The following TACR1 variants were observed in gnomAD, a reference collection of about 807,000 sequenced individuals.
TACR1 encodes the protein substance-P receptor.
TACR1 carries 25 observed loss-of-function variants against 35.8 expected under a neutral mutation model. The ratio of observed to expected loss-of-function variants is 0.70; its 90% CI spans 0.51 to 0.98. The LOEUF (loss-of-function observed/expected upper bound fraction) is 0.98. Ranked by LOEUF, TACR1 falls within the 50% of genes least tolerant of loss-of-function variation. The pLI, the probability that TACR1 is intolerant of heterozygous loss-of-function variation, is 0.00. For synonymous variants in TACR1, 195 were observed against 206.7 expected, an observed-to-expected ratio of 0.94 and a Z score of 0.48; for missense variants, 478 against 522.9, an observed-to-expected ratio of 0.91 and a Z score of 0.84.
intron 1 of TACR1, among the ~76,000 whole-genome samples, chr2:75,127,374 A>G (rs1310771393): frequency 6.6e-6 from 1 of 152,200 alleles, no homozygotes; most frequent in Non-Finnish European, 1.5e-5. Context: ...TTTATTATTA[A>G]TTAATTATTG....
At chr2:75,062,275 A>C (rs1672686690) in intron 2 of TACR1, among the ~76,000 whole-genome samples, 1 of 151,996 alleles carries the variant, frequency 6.6e-6, no homozygotes, top group African/African-American at 2.4e-5. Flanking sequence ...CGATTTGAAA[A>C]TACAGACAAG....
At chr2:75,115,194 T>TAA (rs1037808340) in intron 2 of TACR1, among the ~76,000 whole-genome samples, 7 of 91,162 alleles carry the variant, frequency 7.7e-5, no homozygotes, top group Non-Finnish European at 1.4e-4. Context: ...AAGCAGATTA[T>TAA]AAAATATATA....
At chr2:75,179,693 A>T (rs1675515040) in intron 1 of TACR1, among the ~76,000 whole-genome samples, 2 of 152,174 alleles carry the variant, frequency 1.3e-5, no homozygotes, top group Admixed American at 1.3e-4. Flanking sequence ...GGGACAGGTT[A>T]AACCTCCTTG....
At chr2:75,100,281 T>G (rs571681193) in intron 2 of TACR1, among the ~76,000 whole-genome samples, 2 of 152,372 alleles carry the variant, frequency 1.3e-5, no homozygotes, top group African/African-American at 4.8e-5. Flanking sequence ...AGATGATGCA[T>G]GCAAAGTTCT....
In TACR1 at chr2:75,053,656, G is replaced by T. The variant is rs374323810; in HGVS notation, c.684C>A (p.Ile228=). ...VVGITLWASE[I]PGDSSDRYHE... ...GGTAGCGGTCAGAGGAGTCCCCGGGGATCTCACTGGCCCATAGTGTGATTC... is the reference window on the plus strand; with the variant it reads ...GGTAGCGGTCAGAGGAGTCCCCGGGTATCTCACTGGCCCATAGTGTGATTC... The change falls in exon 3 of 5, where the codon ATC becomes ATA. Residue 228 remains isoleucine, a synonymous_variant. Coordinates refer to ENST00000305249, the MANE Select transcript of TACR1 (RefSeq NM_001058.4). 4.4e-6 allele frequency: 7 copies of T among 1,604,160 alleles called. No individual in the cohort carries two copies. The highest frequency in any genetic ancestry group is 4.0e-5 in the African/African-American group (3 of 74,656).
At chr2:75,190,331 A>G (rs1362829711) in intron 1 of TACR1, among the ~76,000 whole-genome samples, 1 of 152,220 alleles carries the variant, frequency 6.6e-6, no homozygotes, top group African/African-American at 2.4e-5. Context: ...ATGATATACA[A>G]TATCCAAATG....
intron 1 of TACR1, among the ~76,000 whole-genome samples, chr2:75,133,331 C>T (rs1166235811): frequency 6.6e-6 from 1 of 152,024 alleles, no homozygotes; most frequent in South Asian, 2.1e-4. Flanking sequence ...TCTTATTTTT[C>T]ATTTTTCTTT....
At chr2:75,051,023 T>C in intron 4 of TACR1, 1 of 577,676 alleles carries the variant, frequency 1.7e-6, no homozygotes, top group Non-Finnish European at 3.1e-6. Context: ...TAATATGGAT[T>C]TCTGGTTCCC....
intron 1 of TACR1, among the ~76,000 whole-genome samples, chr2:75,149,504 G>T (rs1674624791): frequency 6.6e-6 from 1 of 152,076 alleles, no homozygotes; most frequent in Non-Finnish European, 1.5e-5. Context: ...TGTAGCAATT[G>T]TGAATGGGAG....
At chr2:75,052,164 G>T (rs1672482060) in intron 3 of TACR1, among the ~76,000 whole-genome samples, 2 of 152,180 alleles carry the variant, frequency 1.3e-5, no homozygotes, top group South Asian at 4.1e-4. Context: ...GTATTAGGAG[G>T]TGGCCTTTGG....
At chr2:75,154,406 G>GCGCGCGCGCGCGCGCGCACGCACGCA (rs1264139655) in intron 1 of TACR1, 1 of 78,514 alleles carries the variant, frequency 1.3e-5, no homozygotes, top group Non-Finnish European at 2.5e-5. Flanking sequence ...CCAAGAGCGC[G>GCGCGCGCGCGCGCGCGCACGCACGCA]CACGCACACA....
chr2:75,136,135 A>G (rs1674284787), intron 1 of TACR1, among the ~76,000 whole-genome samples: 3 of 152,296 alleles, frequency 2.0e-5, no homozygotes, highest in Non-Finnish European at 4.4e-5. Flanking sequence ...GGCCTTGTAG[A>G]AAGAAACCCA....
At chr2:75,174,820 A>G (rs528231819) in intron 1 of TACR1, among the ~76,000 whole-genome samples, 3 of 152,310 alleles carry the variant, frequency 2.0e-5, no homozygotes, top group Admixed American at 6.5e-5. Context: ...CATTAAAGAT[A>G]TCTCCCTAGG....
intron 2 of TACR1, among the ~76,000 whole-genome samples, chr2:75,060,545 A>G (rs150720967): frequency 2.6e-5 from 4 of 152,308 alleles, no homozygotes; most frequent in African/African-American, 9.6e-5. Context: ...TGAAAAGGAC[A>G]TGGCTGTGTG....
At chr2:75,198,372 T>C (rs1224816726) in intron 1 of TACR1, among the ~76,000 whole-genome samples, 174 bp downstream of exon 1, 1 of 152,138 alleles carries the variant, frequency 6.6e-6, no homozygotes, top group Non-Finnish European at 1.5e-5. Flanking sequence ...GGAAAAAAAG[T>C]TGAAATACAT....
chr2:75,159,206 G>A (rs556009369), intron 1 of TACR1, among the ~76,000 whole-genome samples: 3 of 151,718 alleles, frequency 2.0e-5, no homozygotes, highest in South Asian at 2.1e-4. Context: ...CTGAACACAA[G>A]CCCTCCTCAG....
intron 2 of TACR1, among the ~76,000 whole-genome samples, chr2:75,096,464 T>C (rs949220752): frequency 6.6e-6 from 1 of 152,196 alleles, no homozygotes; most frequent in Non-Finnish European, 1.5e-5. Context: ...ATGGATAAAT[T>C]TAATTGTGTG....
At chr2:75,061,908 C>T (rs143403471) in intron 2 of TACR1, among the ~76,000 whole-genome samples, 120 of 152,288 alleles carry the variant, frequency 7.9e-4, no homozygotes, top group African/African-American at 2.7e-3. Context: ...GTCAGAATTT[C>T]GTTGTGTTGT....
intron 1 of TACR1, among the ~76,000 whole-genome samples, chr2:75,158,262 C>G (rs954404015): frequency 6.6e-6 from 1 of 152,168 alleles, no homozygotes; most frequent in African/African-American, 2.4e-5. Flanking sequence ...ACTATGTAAT[C>G]AGTAGAATTT....
Sources: allele counts gnomAD v4.1 joint callset (sites outside exome capture counted in the v4.1 genomes callset), GRCh38; gene constraint gnomAD v4.1.1; transcripts MANE v1.5; gene names NCBI Gene and HGNC (gene_info 2026-07-23, HGNC 2026-07-21).